The following TULP4 variants were observed in gnomAD, a reference collection of about 807,000 sequenced individuals.
TULP4 encodes the protein TUB like protein 4.
A neutral mutation model predicts 129.0 loss-of-function variants in TULP4; 16 were observed. That is an observed-to-expected ratio of 0.12 (90% CI 0.08 to 0.19). The LOEUF (loss-of-function observed/expected upper bound fraction) is 0.19, where lower values mean the gene tolerates loss of function less well. Among genes scored for constraint, TULP4 ranks in the 10% least tolerant of loss-of-function variants. The pLI is 1.00. For missense variants in TULP4, 1,842 were observed against 2,059.1 expected (o/e 0.89, Z 2.04); for synonymous variants, 998 against 854.0 (o/e 1.17, Z -2.94).
chr6:158,491,393 C>G (rs185078090), intron 9 of TULP4, among the ~76,000 whole-genome samples: 1 of 15,728 alleles, frequency 6.4e-5, no homozygotes, highest in Admixed American at 9.0e-4. Flanking sequence ...TATAAGAGTT[C>G]TTTCTTTCTT....
rs1211867270 is a variant in TULP4 at position 158,239,227 on chromosome 6, C to A, written n.68+6924C>A. 2.9e-5 allele frequency among the ~76,000 whole-genome samples: 2 copies of A among 68,172 alleles called. 1 individual carries two copies. Among genetic ancestry groups the A allele is most frequent in the Non-Finnish European group, 6.3e-5 (2 of 31,528 alleles). 44.7% of individuals were successfully genotyped at this position (68,172 alleles called of 152,430 possible). On this transcript the variant is annotated intron_variant and non_coding_transcript_variant, in intron 1 of 1. Coordinates refer to the TULP4 transcript ENST00000620026. ...CTCCCGGACGGGACGGCTGGCCGGGCGGGGGGCTGACCCCCCCACCTCCCT... is the reference window on the plus strand; with the variant it reads ...CTCCCGGACGGGACGGCTGGCCGGGAGGGGGGCTGACCCCCCCACCTCCCT...
intron 1 of TULP4, among the ~76,000 whole-genome samples, chr6:158,387,826 T>G (rs1377426060): frequency 6.6e-6 from 1 of 152,270 alleles, no homozygotes; most frequent in Admixed American, 6.5e-5. Flanking sequence ...AAATGGAAGC[T>G]AAGTAGTGTG....
At chr6:158,368,845 T>G (rs1384519768) in intron 1 of TULP4, among the ~76,000 whole-genome samples, 1 of 152,182 alleles carries the variant, frequency 6.6e-6, no homozygotes, top group African/African-American at 2.4e-5. Flanking sequence ...AAGCAAGAAA[T>G]TTAACATTTT....
At chr6:158,497,453 C>T (rs1328500443) in intron 11 of TULP4, among the ~76,000 whole-genome samples, 1 of 152,170 alleles carries the variant, frequency 6.6e-6, no homozygotes, top group Non-Finnish European at 1.5e-5. Context: ...GTAGATTCTA[C>T]AAAATTCAAA....
chr6:158,384,151 A>C (rs867178213), intron 1 of TULP4, among the ~76,000 whole-genome samples: 1 of 152,136 alleles, frequency 6.6e-6, no homozygotes, highest in Non-Finnish European at 1.5e-5. Context: ...AGCATCTCGA[A>C]TATTCCAAAT....
chr6:158,465,626 A>G (rs541780481), intron 6 of TULP4, among the ~76,000 whole-genome samples: 1 of 150,870 alleles, frequency 6.6e-6, no homozygotes, highest in East Asian at 1.9e-4. Flanking sequence ...AAATATTTTA[A>G]AGAGGTTTAT....
At chr6:158,448,264 C>T (rs1025845376) in intron 3 of TULP4, among the ~76,000 whole-genome samples, 1 of 152,270 alleles carries the variant, frequency 6.6e-6, no homozygotes, top group African/African-American at 2.4e-5. Context: ...AGGAGCAGCC[C>T]TCAGCACACT....
At chr6:158,460,600 AT>A (rs1779401137) in intron 5 of TULP4, among the ~76,000 whole-genome samples, 1 of 152,208 alleles carries the variant, frequency 6.6e-6, no homozygotes, top group Admixed American at 6.5e-5. Context: ...TGGGCATCGA[AT>A]TTCCAATGTG....
chr6:158,335,274 CA>C (rs61418142), intron 1 of TULP4, among the ~76,000 whole-genome samples: 108,817 of 121,662 alleles, frequency 0.89, 48,391 homozygotes, highest in Admixed American at 0.93. Context: ...GAGACTGTCT[CA>C]AAAAAAAAAA....
At chr6:158,425,871 G>A (rs1778478696) in intron 2 of TULP4, among the ~76,000 whole-genome samples, 1 of 152,124 alleles carries the variant, frequency 6.6e-6, no homozygotes, top group African/African-American at 2.4e-5. Flanking sequence ...TGGGATTATA[G>A]GCGTGAGCCA....
intron 3 of TULP4, among the ~76,000 whole-genome samples, chr6:158,439,195 C>A (rs1017371624): frequency 6.6e-6 from 1 of 151,820 alleles, no homozygotes; most frequent in Non-Finnish European, 1.5e-5. Context: ...AATAATTTAC[C>A]GATATTTGGT....
intron 1 of TULP4, among the ~76,000 whole-genome samples, chr6:158,298,055 G>A (rs922744346): frequency 5.9e-5 from 9 of 152,056 alleles, no homozygotes; most frequent in East Asian, 3.9e-4. Context: ...ATAATTTAGC[G>A]ATACCTCTCC....
In TULP4 at chr6:158,313,357, C is replaced by T. The variant is rs1399784774; in HGVS notation, c.-660C>T. On this transcript the variant is annotated 5_prime_UTR_variant, in exon 1 of 14. Transcript: ENST00000367097. ...TGTTTTTCTTCCTAAAATTTGGACT[C>T]TTGTCTGCACAAACTCTGGTCTGTT... The T allele has an allele frequency of 2.5e-6, 1 of 397,188 alleles. No individual in the cohort carries two copies. Among genetic ancestry groups the T allele is most frequent in the Non-Finnish European group, 4.4e-6 (1 of 225,564 alleles). 24.6% of individuals were successfully genotyped at this position (397,188 alleles called of 1,614,324 possible). A position where few individuals can be genotyped will look rare whatever the true frequency, so the allele number is the denominator to read the frequency against.
chr6:158,502,562 CAGCTGGCCCAGGGGCGGGG>C lies in TULP4; in HGVS notation c.2900_2918del (p.Gln967ArgfsTer51). 2 of 1,606,602 alleles carry C rather than the reference CAGCTGGCCCAGGGGCGGGG, an allele frequency of 1.2e-6. No individual in the cohort carries two copies. Among genetic ancestry groups the C allele is most frequent in the Non-Finnish European group, 1.7e-6 (2 of 1,179,922 alleles). On this transcript the variant is annotated frameshift_variant, in exon 13 of 14. Coordinates refer to ENST00000367097, the MANE Select transcript of TULP4 (RefSeq NM_020245.5). LOFTEE classifies it high-confidence loss of function. ...ACCCCCGTATCCTGAAATTGCCAGC[CAGCTGGCCCAGGGGCGGGG>C]GGCTGCCCAGAGGTCCGACAATAGC...
intron 1 of TULP4, among the ~76,000 whole-genome samples, chr6:158,263,838 G>A (rs1390058019): frequency 2.6e-5 from 4 of 152,034 alleles, no homozygotes; most frequent in Middle Eastern, 3.2e-3. Context: ...CTAGGCGGGC[G>A]GATCACCTGA....
At chr6:158,232,200 C>G (rs1053100667), upstream of TULP4, 9 of 147,750 alleles carry the variant, frequency 6.1e-5, no homozygotes, top group African/African-American at 2.2e-4. Context: ...GAGGCGGAGA[C>G]TCGGCCGAGA....
chr6:158,331,031 G>A (rs148315376), intron 1 of TULP4, among the ~76,000 whole-genome samples: 2 of 152,142 alleles, frequency 1.3e-5, no homozygotes, highest in Non-Finnish European at 2.9e-5. Context: ...CCTCATTGGT[G>A]ATGTTAATTT....
chr6:158,452,344 T>C (rs827958), intron 5 of TULP4, 76 bp downstream of exon 5: 561,479 of 1,556,312 alleles, frequency 0.36, 106,509 homozygotes, highest in African/African-American at 0.66. Flanking sequence ...TCTTGTACAC[T>C]CTGTGCTTAC....
intron 1 of TULP4, among the ~76,000 whole-genome samples, chr6:158,384,847 A>G (rs527992755): frequency 1.4e-4 from 21 of 152,336 alleles, no homozygotes; most frequent in African/African-American, 4.6e-4. Context: ...GTTGGTTCAG[A>G]GGATAGTGTG....
Sources: gnomAD v4.1 joint callset for allele counts (sites outside exome capture counted in the v4.1 genomes callset) on GRCh38, gnomAD v4.1.1 for gene constraint, MANE v1.5 for transcripts, NCBI Gene and HGNC (gene_info 2026-07-23, HGNC 2026-07-21) for gene names.